The following MLLT3 variants were observed in gnomAD, a reference collection of about 807,000 sequenced individuals.
MLLT3 encodes MLLT3 super elongation complex subunit.
Under a neutral mutation model 53.2 loss-of-function variants are expected in MLLT3, and 4 were observed. The ratio of observed to expected loss-of-function variants is 0.08; its 90% confidence interval spans 0.04 to 0.17. The LOEUF (loss-of-function observed/expected upper bound fraction) is 0.17, where lower values mean the gene tolerates loss of function less well. Ranked by LOEUF, MLLT3 falls within the 10% of genes least tolerant of loss-of-function variation. The probability of loss-of-function intolerance (pLI) is 1.00; values close to 1 mark genes in which losing one functional copy is unlikely to be tolerated. For synonymous variants in MLLT3, 283 were observed against 230.6 expected, an observed-to-expected ratio of 1.23 and a Z score of -2.06; for missense variants, 569 against 684.0, an observed-to-expected ratio of 0.83 and a Z score of 1.87.
chr9:20,544,345 G>A (rs576488935), intron 2 of MLLT3, among the ~76,000 whole-genome samples: 2 of 151,776 alleles, frequency 1.3e-5, no homozygotes, highest in South Asian at 4.2e-4. Flanking sequence ...TTCCATGCAG[G>A]AAAAAAAATG....
At chr9:20,561,820 C>A (rs560114517) in intron 2 of MLLT3, among the ~76,000 whole-genome samples, 1 of 152,226 alleles carries the variant, frequency 6.6e-6, no homozygotes, top group East Asian at 1.9e-4. Context: ...AAATAAGAAC[C>A]CTCTGTAGGC....
intron 4 of MLLT3, among the ~76,000 whole-genome samples, chr9:20,423,074 T>C (rs1460205690): frequency 6.6e-6 from 1 of 152,180 alleles, no homozygotes; most frequent in East Asian, 1.9e-4. Context: ...ACTTCTTTTC[T>C]TTGGAGATGG....
At chr9:20,505,671 C>A (rs1825363221) in intron 2 of MLLT3, among the ~76,000 whole-genome samples, 1 of 152,180 alleles carries the variant, frequency 6.6e-6, no homozygotes, top group African/African-American at 2.4e-5. Context: ...TTGAAGATGT[C>A]TGAAAGGACT....
At chr9:20,392,081 A>G (rs1822198899) in intron 5 of MLLT3, among the ~76,000 whole-genome samples, 1 of 152,172 alleles carries the variant, frequency 6.6e-6, no homozygotes, top group African/African-American at 2.4e-5. Context: ...CCGGAAAAAT[A>G]TCCTTCAATT....
intron 2 of MLLT3, among the ~76,000 whole-genome samples, chr9:20,614,588 G>T (rs916400833): frequency 2.6e-5 from 4 of 151,946 alleles, no homozygotes; most frequent in African/African-American, 9.7e-5. Flanking sequence ...GAAAATTTCA[G>T]ATAACTCGTC....
chr9:20,492,463 TAC>T (rs1394120892), intron 2 of MLLT3, among the ~76,000 whole-genome samples: 1 of 151,990 alleles, frequency 6.6e-6, no homozygotes, highest in Non-Finnish European at 1.5e-5. Context: ...TTCCAAGTGT[TAC>T]AGTTTAAAAT....
rs867267772 is a variant in MLLT3, at chr9:20,560,703, C to T, written c.193+59951G>A. On this transcript the variant is annotated intron_variant, in intron 2 of 10. Transcript: ENST00000380338. Reference sequence around the variant, plus strand: ...GTGGGCGGGGAGCATTGTGGGCTAACAGGAGACAGCATTCTATGCAGAGAG... The same window carrying T: ...GTGGGCGGGGAGCATTGTGGGCTAATAGGAGACAGCATTCTATGCAGAGAG... Among the ~76,000 whole-genome samples the T allele has an allele frequency of 1.8e-4, 27 of 152,278 alleles. No individual in the cohort carries two copies. In the Middle Eastern group the frequency reaches 0.017, roughly 96 times the overall value.
At chr9:20,531,351 G>T (rs1208506721) in intron 2 of MLLT3, among the ~76,000 whole-genome samples, 2 of 151,848 alleles carry the variant, frequency 1.3e-5, no homozygotes, top group East Asian at 3.9e-4. Flanking sequence ...GTCCAGGCTG[G>T]TCTCAAACTC....
intron 5 of MLLT3, among the ~76,000 whole-genome samples, chr9:20,375,605 C>CT (rs1821744159): frequency 2.0e-4 from 20 of 99,432 alleles, no homozygotes; most frequent in South Asian, 1.3e-3. Context: ...TTTTTTTTTT[C>CT]TTTTCTTTTT....
chr9:20,579,099 T>A (rs751163871), intron 2 of MLLT3, among the ~76,000 whole-genome samples: 2 of 152,180 alleles, frequency 1.3e-5, no homozygotes, highest in Non-Finnish European at 2.9e-5. Context: ...TGATAGCTCG[T>A]GCCTGTAATC....
intron 2 of MLLT3, among the ~76,000 whole-genome samples, chr9:20,564,966 C>T (rs1819310879): frequency 6.6e-6 from 1 of 152,138 alleles, no homozygotes; most frequent in African/African-American, 2.4e-5. Flanking sequence ...CTACATTAAA[C>T]TCAGCTTACA....
intron 2 of MLLT3, among the ~76,000 whole-genome samples, chr9:20,515,442 C>G (rs957012844): frequency 2.0e-5 from 3 of 152,096 alleles, no homozygotes; most frequent in African/African-American, 7.2e-5. Flanking sequence ...AGTTCCTTTT[C>G]TTTCCCTCTT....
In MLLT3 at chr9:20,620,507, G is replaced by C; in HGVS notation, c.193+147C>G. On this transcript the variant is annotated intron_variant, in intron 2 of 10. Coordinates refer to ENST00000380338, the MANE Select transcript of MLLT3 (RefSeq NM_004529.4). The surrounding 1 kb of genome is among the most constrained non-coding windows in gnomAD (Gnocchi z 6.1). ...CGCGGGCAGGCGGGAGCCGGGACCT[G>C]GCCCGCGCGGCGCCGCGCACCCGGA... The C allele has an allele frequency of 2.4e-6, 1 of 424,180 alleles. No individual in the cohort carries two copies. The highest frequency in any genetic ancestry group is 5.5e-5 in the Admixed American group (1 of 18,278). The allele number at this position is 424,180 out of a possible 1,614,324, so 26.3% of individuals were successfully genotyped here.
intron 2 of MLLT3, among the ~76,000 whole-genome samples, chr9:20,534,815 G>A (rs1281145007): frequency 6.6e-6 from 1 of 152,128 alleles, no homozygotes; most frequent in Non-Finnish European, 1.5e-5. Context: ...GAACCCAGGA[G>A]GCAGAGCTTG....
At chr9:20,455,073 C>G (rs1823925808) in intron 3 of MLLT3, among the ~76,000 whole-genome samples, 1 of 152,144 alleles carries the variant, frequency 6.6e-6, no homozygotes, top group African/African-American at 2.4e-5. Flanking sequence ...AGCCAAAAAC[C>G]ATTTTCTTAA....
In MLLT3 at chr9:20,523,382, G is replaced by C. The variant is rs1818117170; in HGVS notation, c.194-66596C>G. 3.9e-5 allele frequency among the ~76,000 whole-genome samples: 6 copies of C among 152,284 alleles called. No homozygotes were observed. The South Asian group carries it at 8.3e-4, about 21-fold the overall frequency. ...GGAACTTCTTGGTATTTACTCCAAA[G>C]GAGTTGAAAATTTAAGTCCATACAA... is the stretch of plus-strand genomic sequence containing the variant. On this transcript the variant is annotated intron_variant, in intron 2 of 10. Transcript: ENST00000380338.
intron 2 of MLLT3, chr9:20,532,982 C>A: frequency 3.7e-6 from 1 of 267,904 alleles, no homozygotes; most frequent in South Asian, 4.1e-5. Context: ...TTAATATCAT[C>A]ACCACCTTGG....
chr9:20,456,838 C>G (rs781319669), intron 2 of MLLT3, 52 bp from the exon 3 acceptor site: 2 of 1,314,246 alleles, frequency 1.5e-6, no homozygotes, highest in Non-Finnish European at 2.1e-6. Flanking sequence ...GACAAAAAGA[C>G]ATTCTTCTTT....
chr9:20,522,130 T>A (rs1280201464), intron 2 of MLLT3, among the ~76,000 whole-genome samples: 3 of 151,240 alleles, frequency 2.0e-5, no homozygotes, highest in African/African-American at 2.4e-5. Context: ...AAAAAAAAAA[T>A]TATTTAAAGA....
Sources: allele counts gnomAD v4.1 joint callset (sites outside exome capture counted in the v4.1 genomes callset), GRCh38; gene constraint gnomAD v4.1.1; non-coding constraint Gnocchi (gnomAD v3.1); transcripts MANE v1.5; gene names NCBI Gene and HGNC (gene_info 2026-07-23, HGNC 2026-07-21).